The following GRIP2 variants were observed in gnomAD, a reference collection of about 807,000 sequenced individuals.
The protein encoded by GRIP2 is glutamate receptor interacting protein 2, also known as glutamate receptor-interacting protein 2.
Under a neutral mutation model 108.3 loss-of-function variants are expected in GRIP2, and 58 were observed. That is an observed-to-expected ratio of 0.54 (90% CI 0.43 to 0.67). GRIP2 has a LOEUF of 0.67. Among genes scored for constraint, GRIP2 ranks in the 30% least tolerant of loss-of-function variants. GRIP2 has a pLI of 0.00. For missense variants in GRIP2, 1,278 were observed against 1,430.6 expected (o/e 0.89, Z 1.72); for synonymous variants, 586 against 598.2 (o/e 0.98, Z 0.30).
chr3:14,579,944 G>A, the GRIP2 span, among the ~76,000 whole-genome samples: 18 of 152,352 alleles, frequency 1.2e-4, no homozygotes, highest in Admixed American at 4.6e-4. Flanking sequence ...GCCATACGGG[G>A]TGGGGTGATG....
the GRIP2 span, among the ~76,000 whole-genome samples, chr3:14,595,293 G>T: frequency 2.0e-5 from 3 of 152,106 alleles, no homozygotes; most frequent in Admixed American, 2.0e-4. Flanking sequence ...CTCCCAAAGC[G>T]CTGGGATTAC....
intron 1 of GRIP2, among the ~76,000 whole-genome samples, chr3:14,537,093 C>T (rs984859661): frequency 6.6e-6 from 1 of 152,300 alleles, no homozygotes; most frequent in African/African-American, 2.4e-5. Flanking sequence ...ACCCTATGGG[C>T]CCACCCCACC....
the GRIP2 span, among the ~76,000 whole-genome samples, chr3:14,562,111 C>T: frequency 2.1e-3 from 317 of 152,294 alleles, no homozygotes; most frequent in African/African-American, 7.2e-3. Flanking sequence ...TGAGGAGTAC[C>T]GGAGTACAGA....
the GRIP2 span, among the ~76,000 whole-genome samples, chr3:14,568,615 G>A: frequency 1.3e-5 from 2 of 152,186 alleles, no homozygotes; most frequent in African/African-American, 4.8e-5. Context: ...GAGATTGGAA[G>A]TGGACCATCC....
At chr3:14,563,477 G>T in the GRIP2 span, among the ~76,000 whole-genome samples, 1 of 152,182 alleles carries the variant, frequency 6.6e-6, no homozygotes, top group Non-Finnish European at 1.5e-5. Context: ...GCTGGGGGAA[G>T]AGTGTGCTCC....
intron 21 of GRIP2, among the ~76,000 whole-genome samples, chr3:14,502,713 C>T (rs568267017): frequency 1.3e-5 from 2 of 151,992 alleles, no homozygotes; most frequent in African/African-American, 4.8e-5. Flanking sequence ...ACAAGAAAGA[C>T]TGAAAATTAA....
At position 14,492,066 on chromosome 3, in the gene GRIP2, G is replaced by A. The variant is rs761910649; in HGVS notation, c.*1599C>T. 9.2e-5 allele frequency: 14 copies of A among 152,458 alleles called. No individual in the cohort carries two copies. The highest frequency in any genetic ancestry group is 1.8e-4 in the Non-Finnish European group (12 of 68,142). 9.4% of individuals were successfully genotyped at this position (152,458 alleles called of 1,614,324 possible). A position where few individuals can be genotyped will look rare whatever the true frequency, so the allele number is the denominator to read the frequency against. On this transcript the variant is annotated 3_prime_UTR_variant, in exon 24 of 24. Coordinates refer to ENST00000621039, the MANE Select transcript of GRIP2 (RefSeq NM_001080423.4). ...GACAGCGTGGGCAGGTCCCCAAGGG[G>A]GCCTTGGTGGGTCGGCAGAGATGGT...
chr3:14,509,865 T>G lies in GRIP2; in HGVS notation c.2033A>C (p.Asp678Ala). The G allele has an allele frequency of 6.5e-7, 1 of 1,541,202 alleles. No individual in the cohort carries two copies. Among genetic ancestry groups the G allele is most frequent in the Non-Finnish European group, 8.8e-7 (1 of 1,142,010 alleles). ...GGTGAGGCCTGAGATGACAATGGGG[T>G]CAAAAGGTTCCTCCGTGCCCGAAAT... Reference protein sequence around the residue: ...ITISGTEEPFDPIVISGLTKR... With the variant: ...ITISGTEEPFAPIVISGLTKR... Residue 678 changes from aspartate (D) to alanine (A), a missense_variant, in exon 17 of 24, where the codon GAC (aspartate) becomes GCC (alanine). By Grantham distance (126) the Asp-to-Ala change is moderately radical (BLOSUM62 -2). Transcript: ENST00000621039.
At chr3:14,548,304 A>G (rs900875261) in intron 1 of GRIP2, among the ~76,000 whole-genome samples, 4 of 152,104 alleles carry the variant, frequency 2.6e-5, no homozygotes, top group African/African-American at 7.2e-5. Flanking sequence ...CATTCCCGGC[A>G]CTGTGACCGG....
At chr3:14,548,079 G>A (rs1695084287) in intron 1 of GRIP2, among the ~76,000 whole-genome samples, 1 of 152,180 alleles carries the variant, frequency 6.6e-6, no homozygotes, top group Non-Finnish European at 1.5e-5. Flanking sequence ...TGGAGGCAGT[G>A]TCTGAGCCAC....
chr3:14,499,495 C>G (rs1461601775), intron 21 of GRIP2, among the ~76,000 whole-genome samples: 1 of 151,956 alleles, frequency 6.6e-6, no homozygotes, highest in Non-Finnish European at 1.5e-5. Context: ...GCGGGCGGAT[C>G]GCCAGAGATC....
rs533472164 is a variant in GRIP2 at position 14,506,741 on chromosome 3, C to T, written c.2398+60G>A. 6.9e-6 allele frequency: 10 copies of T among 1,448,328 alleles called. 1 individual carries two copies. The African/African-American group carries it at 1.3e-4, about 18-fold the overall frequency. 89.7% of individuals were successfully genotyped at this position (1,448,328 alleles called of 1,614,324 possible). A position where few individuals can be genotyped will look rare whatever the true frequency, so the allele number is the denominator to read the frequency against. On this transcript the variant is annotated intron_variant, in intron 19 of 23. Coordinates refer to ENST00000621039, the MANE Select transcript of GRIP2 (RefSeq NM_001080423.4). ...GGCACAAGAACAGTCCTGCACAGGC[C>T]CAGCAGCAGGGGCGGCCTAGAGAGA...
At chr3:14,547,170 G>T (rs1042000092) in intron 1 of GRIP2, among the ~76,000 whole-genome samples, 2 of 152,106 alleles carry the variant, frequency 1.3e-5, no homozygotes, top group African/African-American at 2.4e-5. Context: ...AAGGAGGGGA[G>T]AAAGGGAGGG....
the GRIP2 span, among the ~76,000 whole-genome samples, chr3:14,562,247 C>T: frequency 6.6e-6 from 1 of 152,094 alleles, no homozygotes; most frequent in South Asian, 2.1e-4. Flanking sequence ...AGGGCTGAGG[C>T]AGGGAAAATG....
chr3:14,514,234 G>A lies in GRIP2; in HGVS notation c.1493+58C>T, dbSNP rs1694180605. 4 of 1,410,800 alleles carry A rather than the reference G, an allele frequency of 2.8e-6. No homozygotes were observed. The African/African-American group carries it at 6.6e-5, about 23-fold the overall frequency. 87.4% of individuals were successfully genotyped at this position (1,410,800 alleles called of 1,614,324 possible). A position where few individuals can be genotyped will look rare whatever the true frequency, so the allele number is the denominator to read the frequency against. ...GCTTGTGAAGCTAGGGCTTGGTGCT[G>A]TGACTCAGTTTCTCTCAGAGAGTGG... On this transcript the variant is annotated intron_variant, in intron 12 of 23. Coordinates refer to ENST00000621039, the MANE Select transcript of GRIP2 (RefSeq NM_001080423.4).
chr3:14,553,864 C>T (rs1440213288), intron 1 of GRIP2, among the ~76,000 whole-genome samples: 1 of 152,172 alleles, frequency 6.6e-6, no homozygotes, highest in East Asian at 1.9e-4. Flanking sequence ...GTTCCTTGTG[C>T]CTCCCTCAGT....
chr3:14,597,105 A>G, the GRIP2 span, among the ~76,000 whole-genome samples: 1 of 152,220 alleles, frequency 6.6e-6, no homozygotes, highest in Non-Finnish European at 1.5e-5. Context: ...GCAAAAGGGA[A>G]CAGCAAGTGC....
the GRIP2 span, among the ~76,000 whole-genome samples, chr3:14,601,189 G>C: frequency 9.2e-5 from 14 of 152,104 alleles, no homozygotes; most frequent in Non-Finnish European, 1.8e-4. Flanking sequence ...TCTGGACTGT[G>C]TGCTTTGCCA....
chr3:14,489,300 T>A lies in GRIP2; in HGVS notation c.*4365A>T, dbSNP rs1200608378. The A allele has an allele frequency of 2.0e-5, 3 of 152,662 alleles. No individual in the cohort carries two copies. Among genetic ancestry groups the A allele is most frequent in the African/African-American group, 7.2e-5 (3 of 41,460 alleles). The allele number at this position is 152,662 out of a possible 1,614,324, so 9.5% of individuals were successfully genotyped here. A position where few individuals can be genotyped will look rare whatever the true frequency, so the allele number is the denominator to read the frequency against. On this transcript the variant is annotated 3_prime_UTR_variant, in exon 24 of 24. Transcript: ENST00000621039. Reference sequence around the variant, plus strand: ...TCATCTTTGCTTTTTTTAGAGGAGTTTGTAATCACCTTATAACATGAAAAT... The same window carrying A: ...TCATCTTTGCTTTTTTTAGAGGAGTATGTAATCACCTTATAACATGAAAAT...
Sources: gnomAD v4.1 joint callset for allele counts (sites outside exome capture counted in the v4.1 genomes callset) on GRCh38, gnomAD v4.1.1 for gene constraint, MANE v1.5 for transcripts, NCBI Gene and HGNC (gene_info 2026-07-23, HGNC 2026-07-21) for gene names.